GRAMD1B: variants seen among roughly 807,000 people sequenced by gnomAD.
GRAMD1B encodes the protein protein Aster-B.
In GRAMD1B, 37 loss-of-function variants were observed where a neutral mutation model predicts 99.7. The ratio of observed to expected loss-of-function variants is 0.37; its 90% CI spans 0.29 to 0.49. The LOEUF is 0.49. Among genes scored for constraint, GRAMD1B ranks in the 20% least tolerant of loss-of-function variants. The probability of loss-of-function intolerance (pLI) is 0.98; values close to 1 mark genes in which losing one functional copy is unlikely to be tolerated. For synonymous variants in GRAMD1B, 427 were observed against 387.6 expected, an observed-to-expected ratio of 1.10 and a Z score of -1.19; for missense variants, 888 against 1,009.2, an observed-to-expected ratio of 0.88 and a Z score of 1.63.
chr11:123,573,320 T>A (rs1948365892), intron 2 of GRAMD1B, among the ~76,000 whole-genome samples: 1 of 152,172 alleles, frequency 6.6e-6, no homozygotes, highest in South Asian at 2.1e-4. Flanking sequence ...ATTATAGGGG[T>A]CTTTAATCAT....
At chr11:123,589,614 T>TTTTATATATATATATATATATATATA (rs762751523) in intron 4 of GRAMD1B, among the ~76,000 whole-genome samples, 13 of 128,250 alleles carry the variant, frequency 1.0e-4, no homozygotes, top group African/African-American at 4.2e-4. Flanking sequence ...TGGCTAATTT[T>TTTTATATATATATATATATATATATA]TATATATATA....
At chr11:123,407,492 G>T (rs1947895265) in intron 1 of GRAMD1B, among the ~76,000 whole-genome samples, 1 of 152,178 alleles carries the variant, frequency 6.6e-6, no homozygotes. Flanking sequence ...TTGGCTTCCA[G>T]GGTGCTTAAA....
intron 1 of GRAMD1B, among the ~76,000 whole-genome samples, chr11:123,362,120 C>T (rs1478179334): frequency 2.0e-5 from 3 of 152,216 alleles, no homozygotes; most frequent in African/African-American, 7.2e-5. Context: ...CTTAAACCAA[C>T]AGCAATGTTG....
intron 4 of GRAMD1B, among the ~76,000 whole-genome samples, chr11:123,589,593 G>A (rs1326724230): frequency 7.1e-6 from 1 of 139,868 alleles, no homozygotes; most frequent in Non-Finnish European, 1.5e-5. Context: ...ACAGACACCT[G>A]CCACCATGTG....
chr11:123,422,353 A>C lies in GRAMD1B; in HGVS notation c.-175-58463A>C, dbSNP rs372957042. 1.9e-4 allele frequency among the ~76,000 whole-genome samples: 29 copies of C among 152,346 alleles called. No homozygotes were observed. The South Asian group carries it at 5.4e-3, about 28-fold the overall frequency. ...GTTTACAGTTACTGCCTCAAGATGC[A>C]TTGTTTGCAGAAAGATAAACCTCTC... On this transcript the variant is annotated intron_variant, in intron 1 of 20. Coordinates refer to the GRAMD1B transcript ENST00000638157.
chr11:123,605,815 A>G (rs1218184426), intron 10 of GRAMD1B, among the ~76,000 whole-genome samples: 1 of 152,254 alleles, frequency 6.6e-6, no homozygotes, highest in Non-Finnish European at 1.5e-5. Flanking sequence ...ATCTGACGTC[A>G]AAGTCATGCA....
intron 1 of GRAMD1B, among the ~76,000 whole-genome samples, chr11:123,390,246 C>T (rs1158000955): frequency 6.6e-6 from 1 of 151,558 alleles, no homozygotes; most frequent in Non-Finnish European, 1.5e-5. Context: ...ACTACCCAAA[C>T]ATGATATTAA....
In GRAMD1B at chr11:123,526,075, A is replaced by G. The variant is rs373182386; in HGVS notation, c.452+45182A>G. 2.8e-4 allele frequency: 371 copies of G among 1,304,786 alleles called. 1 individual carries two copies. Among genetic ancestry groups the G allele is most frequent in the Non-Finnish European group, 3.8e-4 (346 of 901,652 alleles). 80.8% of individuals were successfully genotyped at this position (1,304,786 alleles called of 1,614,324 possible). A position where few individuals can be genotyped will look rare whatever the true frequency, so the allele number is the denominator to read the frequency against. ...CTTTTGGGACTTCGTCATCTTTTCCAATATGTCCTGGGACCTCCGGAGCTG... is the reference window on the plus strand; with the variant it reads ...CTTTTGGGACTTCGTCATCTTTTCCGATATGTCCTGGGACCTCCGGAGCTG... On this transcript the variant is annotated intron_variant, in intron 2 of 19. Transcript: ENST00000635736.
At chr11:123,581,480 G>A (rs1263501409) in intron 3 of GRAMD1B, among the ~76,000 whole-genome samples, 11 of 152,178 alleles carry the variant, frequency 7.2e-5, no homozygotes, top group Admixed American at 6.5e-5. Flanking sequence ...ACTCATTTCC[G>A]GGAATGCAGA....
intron 2 of GRAMD1B, among the ~76,000 whole-genome samples, chr11:123,569,055 T>G (rs761499905): frequency 1.3e-5 from 2 of 152,200 alleles, no homozygotes; most frequent in Non-Finnish European, 2.9e-5. Flanking sequence ...CATCTGAGTC[T>G]GAGCTGTGAA....
intron 1 of GRAMD1B, among the ~76,000 whole-genome samples, chr11:123,478,148 T>C (rs528221849): frequency 4.2e-4 from 64 of 152,190 alleles, no homozygotes; most frequent in African/African-American, 1.5e-3. Flanking sequence ...TCCGAGTAGC[T>C]GGGACTCCAG....
intron 1 of GRAMD1B, among the ~76,000 whole-genome samples, chr11:123,367,351 G>C (rs766714957): frequency 1.3e-5 from 2 of 152,220 alleles, no homozygotes; most frequent in African/African-American, 2.4e-5. Context: ...CTACGAAGAG[G>C]TAAGAACAAA....
chr11:123,577,490 C>T lies in GRAMD1B; in HGVS notation c.576C>T (p.Ser192=), dbSNP rs371504166. 2.4e-4 allele frequency: 385 copies of T among 1,603,860 alleles called. No individual in the cohort carries two copies. The highest frequency in any genetic ancestry group is 3.1e-4 in the Non-Finnish European group (363 of 1,175,526). Residue 192 remains serine, a synonymous_variant, in exon 3 of 20, where the codon TCC becomes TCT. Coordinates refer to ENST00000635736, the MANE Select transcript of GRAMD1B (RefSeq NM_001387025.1). ...TGGTGGAGAAGGGCTCAGATCACTC[C>T]TCGGACAAGTCCCCGTCCACACCGG... ...DTMVEKGSDH[S]SDKSPSTPEQ...
intron 1 of GRAMD1B, among the ~76,000 whole-genome samples, chr11:123,403,452 ATAAT>A (rs1221907046): frequency 0.026 from 1,297 of 49,456 alleles, 25 homozygotes; most frequent in African/African-American, 0.12. Flanking sequence ...GATGATGATA[ATAAT>A]AATAATAATA....
intron 14 of GRAMD1B, among the ~76,000 whole-genome samples, chr11:123,611,939 C>T (rs1025456272): frequency 6.6e-6 from 1 of 152,114 alleles, no homozygotes; most frequent in African/African-American, 2.4e-5. Flanking sequence ...AGCAGGGCTG[C>T]TGCATAGGAG....
chr11:123,415,868 C>T (rs1948217536), intron 1 of GRAMD1B, among the ~76,000 whole-genome samples: 2 of 152,100 alleles, frequency 1.3e-5, no homozygotes, highest in Admixed American at 6.5e-5. Context: ...CTTGGGAGTT[C>T]TAGGTATCAT....
At chr11:123,416,931 G>C (rs58347505) in intron 1 of GRAMD1B, among the ~76,000 whole-genome samples, 21,934 of 152,238 alleles carry the variant, frequency 0.14, 1,652 homozygotes, top group Middle Eastern at 0.23. Flanking sequence ...GGCACTGAGA[G>C]ATGAATGAAC....
At chr11:123,611,276 A>G (rs1293746258) in intron 14 of GRAMD1B, among the ~76,000 whole-genome samples, 1 of 152,070 alleles carries the variant, frequency 6.6e-6, no homozygotes, top group Non-Finnish European at 1.5e-5. Context: ...TGTCTGAAAA[A>G]AAATAAAAGT....
At chr11:123,403,445 GATGATA>G (rs1565476583) in intron 1 of GRAMD1B, among the ~76,000 whole-genome samples, 2 of 123,862 alleles carry the variant, frequency 1.6e-5, no homozygotes, top group African/African-American at 3.7e-5. Flanking sequence ...TGATGATGAT[GATGATA>G]ATAATAATAA....
Sources: allele counts gnomAD v4.1 joint callset (sites outside exome capture counted in the v4.1 genomes callset), GRCh38; gene constraint gnomAD v4.1.1; transcripts MANE v1.5; gene names NCBI Gene and HGNC (gene_info 2026-07-23, HGNC 2026-07-21).